Variants in EFCAB14 observed in about 807,000 individuals in gnomAD.
The protein encoded by EFCAB14 is EF-hand calcium binding domain 14.
Under a neutral mutation model 56.5 loss-of-function variants are expected in EFCAB14, and 43 were observed. That is an observed-to-expected ratio of 0.76 (90% CI 0.60 to 0.98). The LOEUF (loss-of-function observed/expected upper bound fraction) is 0.98. EFCAB14 is among the 50% of genes least tolerant of loss of function. The pLI is 0.00. For missense variants in EFCAB14, 538 were observed against 580.3 expected, an observed-to-expected ratio of 0.93 and a Z score of 0.75; for synonymous variants, 235 against 212.9, an observed-to-expected ratio of 1.10 and a Z score of -0.90.
chr1:46,717,685 T>G (rs1446123001), intron 1 of EFCAB14, among the ~76,000 whole-genome samples: 1 of 152,176 alleles, frequency 6.6e-6, no homozygotes, highest in South Asian at 2.1e-4. Flanking sequence ...CACCTCAGAT[T>G]TGGAGCTTTT....
intron 3 of EFCAB14, among the ~76,000 whole-genome samples, chr1:46,701,254 C>G (rs1472195630): frequency 6.6e-6 from 1 of 152,158 alleles, no homozygotes; most frequent in Non-Finnish European, 1.5e-5. Context: ...CTTTCTGAGA[C>G]CACTGTAACA....
intron 3 of EFCAB14, among the ~76,000 whole-genome samples, chr1:46,704,935 T>A (rs985213028): frequency 6.6e-6 from 1 of 152,088 alleles, no homozygotes; most frequent in African/African-American, 2.4e-5. Flanking sequence ...CAACTTACAT[T>A]GTGATAAGAA....
At chr1:46,688,031 C>T (rs753664296) in intron 7 of EFCAB14, among the ~76,000 whole-genome samples, 5 of 152,152 alleles carry the variant, frequency 3.3e-5, no homozygotes, top group Non-Finnish European at 5.9e-5. Context: ...CTCGGAAATA[C>T]GTGCCAGCAC....
At chr1:46,692,380 T>A (rs1677006906) in intron 4 of EFCAB14, among the ~76,000 whole-genome samples, 1 of 152,226 alleles carries the variant, frequency 6.6e-6, no homozygotes, top group South Asian at 2.1e-4. Context: ...TGTTCAATAT[T>A]TGACTATTAC....
In EFCAB14 at chr1:46,677,186, AAGTATT is replaced by A. The variant is rs1336816647; in HGVS notation, c.*1269_*1274del. ...CCAGGTCCACAGAAGCATTTAAAGG[AAGTATT>A]GTACTTGATTGTATTAGATTTGAAA... On this transcript the variant is annotated 3_prime_UTR_variant, in exon 11 of 11. Transcript: ENST00000371933. 1 of 152,602 alleles carries A rather than the reference AAGTATT, an allele frequency of 6.6e-6. No homozygotes were observed. 9.5% of individuals were successfully genotyped at this position (152,602 alleles called of 1,614,324 possible). A position where few individuals can be genotyped will look rare whatever the true frequency, so the allele number is the denominator to read the frequency against.
Position 46,688,527 on chromosome 1 carries a change from G to C in EFCAB14, c.813C>G (p.His271Gln). 6.2e-7 allele frequency: 1 copy of C among 1,613,362 alleles called. No homozygotes were observed. The highest frequency in any genetic ancestry group is 8.5e-7 in the Non-Finnish European group (1 of 1,179,604). The change falls in exon 7 of 11, where the codon CAC becomes CAG. Residue 271 changes from histidine to glutamine, a missense_variant. Transcript: ENST00000371933. ...ENLKQDILYL[H>Q]NSLEEVNSAL... ...CACTGTTTACCTCCTCTAAAGAGTTGTGAAGGTACAGGATATCCTAGAGTG... is the reference window on the plus strand; with the variant it reads ...CACTGTTTACCTCCTCTAAAGAGTTCTGAAGGTACAGGATATCCTAGAGTG...
At chr1:46,713,240 A>G (rs1000113893) in intron 2 of EFCAB14, among the ~76,000 whole-genome samples, 1 of 152,146 alleles carries the variant, frequency 6.6e-6, no homozygotes, top group Non-Finnish European at 1.5e-5. Context: ...TCAGGAAGAC[A>G]TTGCAGGTGC....
intron 3 of EFCAB14, among the ~76,000 whole-genome samples, chr1:46,704,032 C>T (rs1007655048): frequency 1.3e-5 from 2 of 152,208 alleles, no homozygotes; most frequent in African/African-American, 4.8e-5. Flanking sequence ...GAAATCTCAC[C>T]TGGCTCCAAT....
At chr1:46,692,505 A>G (rs895496412) in intron 4 of EFCAB14, among the ~76,000 whole-genome samples, 10 of 152,210 alleles carry the variant, frequency 6.6e-5, no homozygotes, top group Middle Eastern at 3.2e-3. Context: ...GGCTGATCAT[A>G]TGGCAGGTCT....
chr1:46,708,670 TCTTTTTCATAAGTAGTAAACAG>T (rs1336628534), intron 2 of EFCAB14, among the ~76,000 whole-genome samples: 1 of 152,244 alleles, frequency 6.6e-6, no homozygotes, highest in Admixed American at 6.5e-5. Context: ...AGATTTTTAA[TCTTTTTCATAAGTAGTAAACAG>T]TATTTTCTTA....
At chr1:46,711,395 G>T (rs1457621959) in intron 2 of EFCAB14, among the ~76,000 whole-genome samples, 13 of 152,236 alleles carry the variant, frequency 8.5e-5, no homozygotes. Flanking sequence ...GGAGGTAGGA[G>T]TGGAAGAGGA....
At chr1:46,691,308 G>T (rs1424025777) in intron 5 of EFCAB14, among the ~76,000 whole-genome samples, 1 of 152,162 alleles carries the variant, frequency 6.6e-6, no homozygotes, top group Non-Finnish European at 1.5e-5. Flanking sequence ...TTGAGGGATG[G>T]GGGTGGTGCT....
Position 46,718,130 on chromosome 1 carries a change from A to C in EFCAB14, c.-43T>G. ...GTGGAGCCCCGACTCCTGAGCTGCC[A>C]GGTTCGTACCCGATGCCCAATTCTC... On this transcript the variant is annotated 5_prime_UTR_variant, in exon 1 of 11. Transcript: ENST00000371933. The C allele has an allele frequency of 6.3e-7, 1 of 1,597,200 alleles. No homozygotes were observed. The highest frequency in any genetic ancestry group is 1.1e-5 in the South Asian group (1 of 89,432).
chr1:46,688,384 A>C lies in EFCAB14; in HGVS notation c.956T>G (p.Val319Gly), dbSNP rs758235999. 1 of 1,613,840 alleles carries C rather than the reference A, an allele frequency of 6.2e-7. No homozygotes were observed. The highest frequency in any genetic ancestry group is 8.5e-7 in the Non-Finnish European group (1 of 1,179,900). The change falls in exon 7 of 11, where the codon GTA becomes GGA. Residue 319 changes from valine (V) to glycine (G), a missense_variant. Val to Gly is a moderately radical substitution (Grantham distance 109, BLOSUM62 -3). Coordinates refer to ENST00000371933, the MANE Select transcript of EFCAB14 (RefSeq NM_014774.3). ...IESDVVAMSK[V>G]EKKANLSFSM... ...GAAGGACAGGTTTGCTTTCTTTTCT[A>C]CCTTGCTCATAGCAACCACATCGCT...
At chr1:46,681,318 T>C (rs1419765670) in intron 10 of EFCAB14, among the ~76,000 whole-genome samples, 1 of 152,228 alleles carries the variant, frequency 6.6e-6, no homozygotes, top group Non-Finnish European at 1.5e-5. Context: ...AGATTTAATA[T>C]CTAATACCAA....
At chr1:46,711,218 A>G (rs1677303869) in intron 2 of EFCAB14, among the ~76,000 whole-genome samples, 1 of 152,246 alleles carries the variant, frequency 6.6e-6, no homozygotes, top group African/African-American at 2.4e-5. Flanking sequence ...TATCTCATAC[A>G]GTAGAAACAT....
chr1:46,714,707 C>T (rs780538695), intron 2 of EFCAB14, among the ~76,000 whole-genome samples: 1 of 150,766 alleles, frequency 6.6e-6, no homozygotes, highest in Non-Finnish European at 1.5e-5. Context: ...GGTGCTGACA[C>T]GGGAAGACTG....
chr1:46,718,695 C>G lies in EFCAB14; in HGVS notation c.-608G>C, dbSNP rs1677437371. On this transcript the variant is annotated 5_prime_UTR_variant, in exon 1 of 11. Coordinates refer to ENST00000371933, the MANE Select transcript of EFCAB14 (RefSeq NM_014774.3). ...ACTGCTTGGCCGCAGAGAAAATGCCCTGGCCAGGAAGCCGGCTGGGGTGTG... is the reference window on the plus strand; with the variant it reads ...ACTGCTTGGCCGCAGAGAAAATGCCGTGGCCAGGAAGCCGGCTGGGGTGTG... The G allele has an allele frequency of 1.3e-5, 2 of 152,568 alleles. No individual in the cohort carries two copies. Among genetic ancestry groups the G allele is most frequent in the African/African-American group, 4.8e-5 (2 of 41,562 alleles). 9.5% of individuals were successfully genotyped at this position (152,568 alleles called of 1,614,324 possible).
chr1:46,706,301 A>G, intron 3 of EFCAB14, among the ~76,000 whole-genome samples: 1 of 152,212 alleles, frequency 6.6e-6, no homozygotes, highest in East Asian at 1.9e-4. Context: ...TGCTTCTTGC[A>G]TTAAAAATAA....
Sources: allele counts gnomAD v4.1 joint callset (sites outside exome capture counted in the v4.1 genomes callset), GRCh38; gene constraint gnomAD v4.1.1; transcripts MANE v1.5; gene names NCBI Gene and HGNC (gene_info 2026-07-23, HGNC 2026-07-21).